Variants in SPINK5 observed in about 807,000 individuals in gnomAD.
SPINK5 encodes serine peptidase inhibitor Kazal type 5.
SPINK5 carries 125 observed loss-of-function variants against 151.8 expected under a neutral mutation model. The ratio of observed to expected loss-of-function variants is 0.82; its 90% CI spans 0.71 to 0.96. The LOEUF is 0.96. SPINK5 is among the 40% of genes least tolerant of loss of function. The pLI is 0.00. For synonymous variants in SPINK5, 374 were observed against 395.3 expected, an observed-to-expected ratio of 0.95 and a Z score of 0.64; for missense variants, 1,194 against 1,291.9, an observed-to-expected ratio of 0.92 and a Z score of 1.16.
At chr5:148,090,313 C>T (rs954665899) in intron 7 of SPINK5, among the ~76,000 whole-genome samples, 16 of 151,936 alleles carry the variant, frequency 1.1e-4, no homozygotes, top group African/African-American at 3.4e-4. Flanking sequence ...AGCAAACAAA[C>T]GTCACACCTG....
chr5:148,112,617 G>A (rs1050177558), intron 19 of SPINK5, among the ~76,000 whole-genome samples: 1 of 151,994 alleles, frequency 6.6e-6, no homozygotes, highest in African/African-American at 2.4e-5. Context: ...AGGTTTCAGT[G>A]AGCCAAGATC....
intron 9 of SPINK5, among the ~76,000 whole-genome samples, chr5:148,094,749 A>G (rs531050429): frequency 6.6e-6 from 1 of 152,092 alleles, no homozygotes; most frequent in Admixed American, 6.6e-5. Context: ...ACTGTGACCT[A>G]TGTGAAACTG....
At chr5:148,118,134 T>C (rs1195204777) in intron 22 of SPINK5, among the ~76,000 whole-genome samples, 1 of 152,182 alleles carries the variant, frequency 6.6e-6, no homozygotes, top group African/African-American at 2.4e-5. Flanking sequence ...TTCTCCTGCC[T>C]CAGCCTCCCA....
At position 148,097,762 on chromosome 5, in the gene SPINK5, T is replaced by C. The variant is rs1231469572; in HGVS notation, c.883-105T>C. 5 of 1,292,002 alleles carry C rather than the reference T, an allele frequency of 3.9e-6. No individual in the cohort carries two copies. The Admixed American group carries it at 9.3e-5, about 24-fold the overall frequency. 80.0% of individuals were successfully genotyped at this position (1,292,002 alleles called of 1,614,324 possible). ...TTGGATGGTCCTAAATCTTAAAAGT[T>C]TTATTTTTCATCCTTAATTTCTCTT... On this transcript the variant is annotated intron_variant, in intron 10 of 32. Transcript: ENST00000256084.
chr5:148,122,041 C>T (rs11168028), intron 26 of SPINK5, among the ~76,000 whole-genome samples: 2 of 151,120 alleles, frequency 1.3e-5, no homozygotes, highest in South Asian at 4.2e-4. Flanking sequence ...AGAGAACTAC[C>T]GTTTTATCTA....
At chr5:148,131,475 T>A (rs1754572102) in intron 31 of SPINK5, 86 bp downstream of exon 31, 1 of 1,577,548 alleles carries the variant, frequency 6.3e-7, no homozygotes, top group Admixed American at 1.7e-5. Flanking sequence ...CTGATATAAA[T>A]TCGAAATGTG....
At chr5:148,114,586 T>A in intron 21 of SPINK5, 97 bp downstream of exon 21, 1 of 1,556,708 alleles carries the variant, frequency 6.4e-7, no homozygotes, top group South Asian at 1.1e-5. Context: ...TTTCCTTACA[T>A]GTAATAGAAA....
intron 15 of SPINK5, among the ~76,000 whole-genome samples, chr5:148,102,775 A>ATAAT (rs1753683105): frequency 6.6e-6 from 1 of 152,176 alleles, no homozygotes; most frequent in Non-Finnish European, 1.5e-5. Context: ...TTTAAGGAAT[A>ATAAT]TAATTAAAAT....
intron 29 of SPINK5, 91 bp downstream of exon 29, chr5:148,125,941 C>A: frequency 6.4e-7 from 1 of 1,571,986 alleles, no homozygotes; most frequent in African/African-American, 1.4e-5. Flanking sequence ...ATTTATGAAC[C>A]CCATGGGATT....
chr5:148,115,032 A>G (rs1374608708), intron 21 of SPINK5, among the ~76,000 whole-genome samples: 7 of 152,250 alleles, frequency 4.6e-5, no homozygotes, highest in Admixed American at 4.6e-4. Context: ...CTCAGAAATC[A>G]TATAGTCCAC....
chr5:148,072,357 T>C, intron 4 of SPINK5, 137 bp downstream of exon 4: 1 of 874,040 alleles, frequency 1.1e-6, no homozygotes, highest in Non-Finnish European at 1.9e-6. Flanking sequence ...CATGGGTTAG[T>C]CCAGGGGTGG....
chr5:148,077,338 A>AG (rs1279239683), intron 4 of SPINK5, among the ~76,000 whole-genome samples: 1 of 151,204 alleles, frequency 6.6e-6, no homozygotes, highest in Non-Finnish European at 1.5e-5. Flanking sequence ...GAATGCTGAA[A>AG]GAAAAAAAAG....
At position 148,133,724 on chromosome 5, in the gene SPINK5, G is replaced by A. The variant is rs115596540; in HGVS notation, c.3096-73G>A. The A allele has an allele frequency of 5.5e-4, 814 of 1,483,276 alleles. 4 individuals are homozygous for A. In the African/African-American group the frequency reaches 9.6e-3, roughly 18 times the overall value. 91.9% of individuals were successfully genotyped at this position (1,483,276 alleles called of 1,614,324 possible). ...GGTTTGATACCCAAGTGTCCTGCAT[G>A]TTGGTCCTTATTTATTTTCTTATTA... is the stretch of plus-strand genomic sequence containing the variant. On this transcript the variant is annotated intron_variant, in intron 31 of 32. Coordinates refer to ENST00000256084, the MANE Select transcript of SPINK5 (RefSeq NM_006846.4).
chr5:148,109,363 C>T (rs1437801466), intron 18 of SPINK5, among the ~76,000 whole-genome samples: 1 of 151,872 alleles, frequency 6.6e-6, no homozygotes, highest in Non-Finnish European at 1.5e-5. Flanking sequence ...AGTTTTATGA[C>T]TGATATTTGT....
chr5:148,070,393 T>G lies in SPINK5; in HGVS notation c.152T>G (p.Phe51Cys). The G allele has an allele frequency of 6.2e-7, 1 of 1,612,952 alleles. No homozygotes were observed. Among genetic ancestry groups the G allele is most frequent in the Non-Finnish European group, 8.5e-7 (1 of 1,179,328 alleles). Reference protein sequence around the residue: ...KLFCPQDKKFFQSLDGIMFIN... With the variant: ...KLFCPQDKKFCQSLDGIMFIN... Reference sequence around the variant, plus strand: ...TTCTGTCCCCAGGATAAGAAATTTTTTCAAAGTCTTGATGGAATAATGTTC... The same window carrying G: ...TTCTGTCCCCAGGATAAGAAATTTTGTCAAAGTCTTGATGGAATAATGTTC... The change falls in exon 3 of 33, where the codon TTT becomes TGT. Residue 51 changes from phenylalanine to cysteine, a missense_variant. Transcript: ENST00000256084.
chr5:148,096,709 T>C (rs1257360780), intron 10 of SPINK5, among the ~76,000 whole-genome samples: 4 of 150,952 alleles, frequency 2.6e-5, no homozygotes, highest in Admixed American at 1.3e-4. Context: ...AACTCCATTT[T>C]CTTTCTTTCT....
Position 148,120,306 on chromosome 5 carries a change from C to G in SPINK5, c.2453C>G (p.Ala818Gly). The G allele has an allele frequency of 1.2e-6, 2 of 1,601,932 alleles. No individual in the cohort carries two copies. The highest frequency in any genetic ancestry group is 1.7e-6 in the Non-Finnish European group (2 of 1,174,226). ...TMCKEKLERE[A>G]AEKKKKEDED... ...TGTTTTCCCCCCAGGGAAAGGGAAG[C>G]AGCTGAAAAAAAAAAGAAAGAGGAT... Residue 818 changes from alanine (A) to glycine (G), a missense_variant, in exon 26 of 33, where the codon GCA (alanine) becomes GGA (glycine). Coordinates refer to ENST00000256084, the MANE Select transcript of SPINK5 (RefSeq NM_006846.4).
chr5:148,087,007 C>T (rs894298641), intron 5 of SPINK5, among the ~76,000 whole-genome samples: 4 of 151,000 alleles, frequency 2.6e-5, no homozygotes, highest in Non-Finnish European at 4.4e-5. Context: ...TATATACATA[C>T]ACACATCTAT....
chr5:148,095,754 C>T (rs1581074732), intron 9 of SPINK5, 64 bp from the exon 10 acceptor site: 2 of 1,379,630 alleles, frequency 1.4e-6, no homozygotes, highest in East Asian at 4.6e-5. Context: ...CCATCTATAC[C>T]TAATGACTGT....
Sources: gnomAD v4.1 joint callset for allele counts (sites outside exome capture counted in the v4.1 genomes callset) on GRCh38, gnomAD v4.1.1 for gene constraint, MANE v1.5 for transcripts, NCBI Gene and HGNC (gene_info 2026-07-23, HGNC 2026-07-21) for gene names.